Variants in SPOCK3 observed in about 807,000 individuals in gnomAD.
The protein encoded by SPOCK3 is SPARC (osteonectin), cwcv and kazal like domains proteoglycan 3.
SPOCK3 carries 30 observed loss-of-function variants against 56.6 expected under a neutral mutation model. The observed-to-expected ratio is 0.53, with a 90% CI of 0.40 to 0.72. The LOEUF is 0.72. Ranked by LOEUF, SPOCK3 falls within the 30% of genes least tolerant of loss-of-function variation. The probability of loss-of-function intolerance (pLI) is 0.00; values close to 1 mark genes in which losing one functional copy is unlikely to be tolerated. For missense variants in SPOCK3, 527 were observed against 530.0 expected (o/e 0.99, Z 0.06); for synonymous variants, 196 against 183.3 (o/e 1.07, Z -0.56).
intron 2 of SPOCK3, among the ~76,000 whole-genome samples, chr4:167,185,715 T>G (rs2110798397): frequency 6.6e-6 from 1 of 152,242 alleles, no homozygotes; most frequent in South Asian, 2.1e-4. Flanking sequence ...CATAAACAAA[T>G]AGTGTGGGAG....
chr4:167,138,822 A>G (rs1252882656), intron 2 of SPOCK3, among the ~76,000 whole-genome samples: 1 of 151,976 alleles, frequency 6.6e-6, no homozygotes, highest in East Asian at 1.9e-4. Context: ...TACTAGAGGG[A>G]AGCTCTTATT....
At chr4:167,140,582 C>T (rs1376242014) in intron 2 of SPOCK3, among the ~76,000 whole-genome samples, 1 of 152,014 alleles carries the variant, frequency 6.6e-6, no homozygotes, top group Non-Finnish European at 1.5e-5. Context: ...ACATTAAGCA[C>T]TGGAGAAAAG....
intron 3 of SPOCK3, among the ~76,000 whole-genome samples, chr4:167,014,161 A>T (rs562295681): frequency 6.6e-6 from 1 of 152,244 alleles, no homozygotes; most frequent in African/African-American, 2.4e-5. Flanking sequence ...CACTTTGAGT[A>T]ACAATCTGCC....
chr4:166,943,869 C>T (rs1007833234), intron 4 of SPOCK3, among the ~76,000 whole-genome samples: 20 of 152,056 alleles, frequency 1.3e-4, no homozygotes, highest in South Asian at 6.2e-4. Flanking sequence ...AAATAGGCCA[C>T]GCACAGTGGC....
intron 3 of SPOCK3, among the ~76,000 whole-genome samples, chr4:167,012,770 TTAA>T (rs1208194739): frequency 6.6e-6 from 1 of 152,060 alleles, no homozygotes; most frequent in African/African-American, 2.4e-5. Flanking sequence ...TAAAATCGTT[TTAA>T]TGTTTAATAA....
At chr4:166,998,089 A>G (rs1481551306) in intron 4 of SPOCK3, among the ~76,000 whole-genome samples, 20 of 152,174 alleles carry the variant, frequency 1.3e-4, no homozygotes, top group Non-Finnish European at 4.4e-5. Flanking sequence ...AATAATCACT[A>G]TGTACTGACA....
intron 2 of SPOCK3, among the ~76,000 whole-genome samples, chr4:167,149,146 A>T (rs1408778615): frequency 6.6e-6 from 1 of 152,142 alleles, no homozygotes; most frequent in Non-Finnish European, 1.5e-5. Flanking sequence ...GGTCTAAAGG[A>T]TATTTGAAAG....
At chr4:166,949,904 C>T (rs1049249886) in intron 4 of SPOCK3, among the ~76,000 whole-genome samples, 3 of 151,330 alleles carry the variant, frequency 2.0e-5, no homozygotes, top group African/African-American at 7.4e-5. Flanking sequence ...TTGTCACCAC[C>T]AGGCCTGCCC....
Position 166,774,680 on chromosome 4 carries a change from T to G in SPOCK3, c.709+17490A>C, listed in dbSNP as rs1483482528. 4.6e-5 allele frequency among the ~76,000 whole-genome samples: 7 copies of G among 152,272 alleles called. No individual in the cohort carries two copies. The South Asian group carries it at 8.3e-4, about 18-fold the overall frequency. On this transcript the variant is annotated intron_variant, in intron 7 of 10. Coordinates refer to ENST00000357545, the MANE Select transcript of SPOCK3 (RefSeq NM_001040159.2). ...AGATCACAGCTGCCTCTGACGACTT[T>G]TAGATTTTTCTGGTGAAATTCAGGC...
In SPOCK3 at chr4:166,948,544, T is replaced by C. The variant is rs185421518; in HGVS notation, c.351-35801A>G. Among the ~76,000 whole-genome samples the C allele has an allele frequency of 7.9e-4, 121 of 152,320 alleles. 1 individual carries two copies. Among genetic ancestry groups the C allele is most frequent in the Admixed American group, 1.5e-3 (23 of 15,292 alleles). ...ACATTTTTTTTTATCTTCTGACTAT[T>C]AGACAACAGCCATTATAACTGTAAA... On this transcript the variant is annotated intron_variant, in intron 4 of 10. Coordinates refer to ENST00000357545, the MANE Select transcript of SPOCK3 (RefSeq NM_001040159.2).
chr4:167,205,383 A>ATATATTATATATATAAAATATATATAT (rs1369408121), intron 2 of SPOCK3, among the ~76,000 whole-genome samples: 1 of 43,642 alleles, frequency 2.3e-5, no homozygotes, highest in African/African-American at 1.0e-4. Flanking sequence ...TATATATAAT[A>ATATATTATATATATAAAATATATATAT]TATATATTTT....
At chr4:166,817,328 CA>C (rs1227274581) in intron 6 of SPOCK3, among the ~76,000 whole-genome samples, 6 of 152,036 alleles carry the variant, frequency 3.9e-5, no homozygotes, top group African/African-American at 1.4e-4. Context: ...AGGACATAAG[CA>C]AACCTTTTTA....
At chr4:166,876,997 T>A (rs1184457390) in intron 6 of SPOCK3, among the ~76,000 whole-genome samples, 1 of 152,118 alleles carries the variant, frequency 6.6e-6, no homozygotes, top group Non-Finnish European at 1.5e-5. Flanking sequence ...AAATAGTAAA[T>A]ATTGTCTCTA....
chr4:167,116,445 T>C (rs1200514078), intron 2 of SPOCK3, among the ~76,000 whole-genome samples: 1 of 144,856 alleles, frequency 6.9e-6, no homozygotes, highest in Non-Finnish European at 1.5e-5. Flanking sequence ...AATATATATA[T>C]ACACAAAAGT....
At chr4:166,898,413 A>G in intron 5 of SPOCK3, among the ~76,000 whole-genome samples, 1 of 152,076 alleles carries the variant, frequency 6.6e-6, no homozygotes, top group Non-Finnish European at 1.5e-5. Flanking sequence ...ATAGGGGGTG[A>G]TACAAGCTTT....
intron 3 of SPOCK3, among the ~76,000 whole-genome samples, chr4:167,061,370 A>G (rs1359505828): frequency 6.6e-6 from 1 of 152,012 alleles, no homozygotes; most frequent in Non-Finnish European, 1.5e-5. Context: ...TTCAAAATTA[A>G]TTCTTTTAGA....
intron 2 of SPOCK3, among the ~76,000 whole-genome samples, chr4:167,205,632 TG>T (rs1734247350): frequency 8.5e-6 from 1 of 117,728 alleles, no homozygotes; most frequent in Non-Finnish European, 1.7e-5. Context: ...TATATTTTCC[TG>T]AGACGGAGTC....
At chr4:166,978,654 C>A (rs1346993676) in intron 4 of SPOCK3, among the ~76,000 whole-genome samples, 1 of 151,862 alleles carries the variant, frequency 6.6e-6, no homozygotes, top group South Asian at 2.1e-4. Context: ...ATAAGGCATG[C>A]AATGTAACTC....
At chr4:166,814,293 T>C (rs1744163262) in intron 6 of SPOCK3, among the ~76,000 whole-genome samples, 1 of 152,072 alleles carries the variant, frequency 6.6e-6, no homozygotes, top group South Asian at 2.1e-4. Context: ...CTGTGATGAT[T>C]AATGTTAGGT....
Sources: gnomAD v4.1 joint callset for allele counts (sites outside exome capture counted in the v4.1 genomes callset) on GRCh38, gnomAD v4.1.1 for gene constraint, MANE v1.5 for transcripts, NCBI Gene and HGNC (gene_info 2026-07-23, HGNC 2026-07-21) for gene names.